Variants in ADAMTS12 observed in about 807,000 individuals in gnomAD.
The protein encoded by ADAMTS12 is ADAM metallopeptidase with thrombospondin type 1 motif 12.
A neutral mutation model predicts 167.8 loss-of-function variants in ADAMTS12; 118 were observed. The observed-to-expected ratio is 0.70, with a 90% CI of 0.61 to 0.82. ADAMTS12 has a LOEUF of 0.82. ADAMTS12 is among the 40% of genes least tolerant of loss of function. ADAMTS12 has a pLI of 0.00. For missense variants in ADAMTS12, 1,916 were observed against 1,998.8 expected, an observed-to-expected ratio of 0.96 and a Z score of 0.79; for synonymous variants, 704 against 716.9, an observed-to-expected ratio of 0.98 and a Z score of 0.29.
intron 2 of ADAMTS12, among the ~76,000 whole-genome samples, chr5:33,817,087 C>G (rs1018322661): frequency 9.9e-5 from 15 of 152,120 alleles, no homozygotes; most frequent in African/African-American, 3.6e-4. Context: ...GACTTCTACA[C>G]AAAACAGCTG....
chr5:33,708,100 GA>G (rs1194926678), intron 3 of ADAMTS12, among the ~76,000 whole-genome samples: 1 of 151,874 alleles, frequency 6.6e-6, no homozygotes. Flanking sequence ...AAATTTACAA[GA>G]AAAAAACAAA....
At chr5:33,612,879 T>C (rs925081421) in intron 16 of ADAMTS12, among the ~76,000 whole-genome samples, 4 of 152,236 alleles carry the variant, frequency 2.6e-5, no homozygotes, top group Non-Finnish European at 5.9e-5. Context: ...GAGGGTTAGT[T>C]AGCATTGTTA....
chr5:33,814,757 G>A (rs10941095), intron 2 of ADAMTS12, among the ~76,000 whole-genome samples: 63,919 of 151,900 alleles, frequency 0.42, 13,810 homozygotes, highest in Non-Finnish European at 0.47. Context: ...AGTTCTTCAC[G>A]GAATAACTTC....
At position 33,624,339 on chromosome 5, in the gene ADAMTS12, C is replaced by T; in HGVS notation, c.2035G>A (p.Asp679Asn). ...GTGGCATTGGAATCGATCTCATAGT[C>T]ACAGCCAACCATCTGTGGGGAAGAG... ...INGICKMVGC[D>N]YEIDSNATED... is the part of the protein sequence containing the mutation. Residue 679 changes from aspartate to asparagine, a missense_variant, in exon 14 of 24, where the codon GAC (aspartate) becomes AAC (asparagine). Physicochemically the swap from Asp to Asn is conservative, Grantham distance 23. Transcript: ENST00000504830. 1 of 1,614,028 alleles carries T rather than the reference C, an allele frequency of 6.2e-7. No individual in the cohort carries two copies. Among genetic ancestry groups the T allele is most frequent in the South Asian group, 1.1e-5 (1 of 91,072 alleles).
rs1738870067 is a variant in ADAMTS12 at position 33,614,194 on chromosome 5, T to A, written c.2527+44A>T. 1.9e-6 allele frequency: 3 copies of A among 1,603,340 alleles called. No individual in the cohort carries two copies. In the East Asian group the frequency reaches 6.7e-5, roughly 36 times the overall value. On this transcript the variant is annotated intron_variant, in intron 16 of 23. Transcript: ENST00000504830. The stretch of plus-strand genomic sequence containing the variant: ...TGGTGTAATCACCTCTACAAACTGC[T>A]CTGAGGCTGGCATGGCTTCATAGTG...
intron 3 of ADAMTS12, among the ~76,000 whole-genome samples, chr5:33,700,872 A>G (rs1441238200): frequency 2.0e-5 from 3 of 152,000 alleles, no homozygotes; most frequent in African/African-American, 7.2e-5. Flanking sequence ...TAATAATTTT[A>G]TTTAAAAAGT....
intron 2 of ADAMTS12, among the ~76,000 whole-genome samples, chr5:33,822,725 A>C: frequency 6.6e-6 from 1 of 152,194 alleles, no homozygotes. Flanking sequence ...TACTCTTCTT[A>C]CTAAAAAATT....
intron 14 of ADAMTS12, among the ~76,000 whole-genome samples, chr5:33,618,588 T>C (rs889579436): frequency 1.3e-5 from 2 of 152,308 alleles, no homozygotes; most frequent in East Asian, 1.9e-4. Context: ...TTCTTCTCCA[T>C]CTTCTTTCTG....
intron 3 of ADAMTS12, among the ~76,000 whole-genome samples, chr5:33,703,683 T>TA (rs1340306016): frequency 3.7e-4 from 57 of 152,208 alleles, no homozygotes; most frequent in Admixed American, 3.7e-3. Flanking sequence ...TTACTTGACC[T>TA]AATGTCCTTC....
chr5:33,800,025 T>C (rs1372223768), intron 2 of ADAMTS12, among the ~76,000 whole-genome samples: 3 of 152,180 alleles, frequency 2.0e-5, no homozygotes, highest in African/African-American at 7.2e-5. Context: ...CTCTAAGGGC[T>C]CAGGCAACAC....
intron 3 of ADAMTS12, among the ~76,000 whole-genome samples, chr5:33,716,833 C>T (rs1743633982): frequency 6.6e-6 from 1 of 152,096 alleles, no homozygotes; most frequent in African/African-American, 2.4e-5. Flanking sequence ...TTCCCCAGCC[C>T]AGGCCCAAAG....
intron 2 of ADAMTS12, among the ~76,000 whole-genome samples, chr5:33,767,508 T>C (rs543849685): frequency 6.6e-6 from 1 of 152,334 alleles, no homozygotes; most frequent in African/African-American, 2.4e-5. Flanking sequence ...TATTACAATG[T>C]TTTATTATAC....
At chr5:33,750,606 T>C (rs1042466586) in intron 3 of ADAMTS12, among the ~76,000 whole-genome samples, 2 of 152,192 alleles carry the variant, frequency 1.3e-5, no homozygotes, top group Non-Finnish European at 2.9e-5. Context: ...TGGCATTGTT[T>C]TTTTCTCTGA....
chr5:33,681,382 C>A (rs188356664), intron 5 of ADAMTS12, among the ~76,000 whole-genome samples: 1 of 152,212 alleles, frequency 6.6e-6, no homozygotes, highest in African/African-American at 2.4e-5. Flanking sequence ...CCGTTCTTTA[C>A]ATATCCTAGC....
At chr5:33,795,139 C>G (rs1746725434) in intron 2 of ADAMTS12, among the ~76,000 whole-genome samples, 1 of 152,206 alleles carries the variant, frequency 6.6e-6, no homozygotes, top group African/African-American at 2.4e-5. Flanking sequence ...CTCTATAGTT[C>G]TGGCTGTAAA....
At chr5:33,736,836 G>T (rs1180799952) in intron 3 of ADAMTS12, among the ~76,000 whole-genome samples, 2 of 152,200 alleles carry the variant, frequency 1.3e-5, no homozygotes, top group African/African-American at 4.8e-5. Flanking sequence ...AAGATTCCTA[G>T]AGAGTTCTGC....
At chr5:33,843,728 TAAC>T (rs2111608110) in intron 2 of ADAMTS12, among the ~76,000 whole-genome samples, 1 of 152,260 alleles carries the variant, frequency 6.6e-6, no homozygotes, top group South Asian at 2.1e-4. Flanking sequence ...CCATGAATAA[TAAC>T]AAATCCTATA....
At chr5:33,797,914 A>C (rs1397602354) in intron 2 of ADAMTS12, among the ~76,000 whole-genome samples, 1 of 152,218 alleles carries the variant, frequency 6.6e-6, no homozygotes, top group Non-Finnish European at 1.5e-5. Flanking sequence ...GTCTGTAGCA[A>C]AGTACTAACA....
At chr5:33,739,592 C>A (rs757272169) in intron 3 of ADAMTS12, among the ~76,000 whole-genome samples, 1 of 152,226 alleles carries the variant, frequency 6.6e-6, no homozygotes, top group Non-Finnish European at 1.5e-5. Flanking sequence ...CTCTCCCCGA[C>A]AGATATTAGG....
Sources: gnomAD v4.1 joint callset for allele counts (sites outside exome capture counted in the v4.1 genomes callset) on GRCh38, gnomAD v4.1.1 for gene constraint, MANE v1.5 for transcripts, NCBI Gene and HGNC (gene_info 2026-07-23, HGNC 2026-07-21) for gene names.